The following MANBA variants were observed in gnomAD, a reference collection of about 807,000 sequenced individuals.
The protein encoded by MANBA is beta-mannosidase.
MANBA carries 83 observed loss-of-function variants against 111.1 expected under a neutral mutation model. The observed-to-expected ratio is 0.75, with a 90% CI of 0.63 to 0.90. The LOEUF (loss-of-function observed/expected upper bound fraction) is 0.90, where lower values mean the gene tolerates loss of function less well. Ranked by LOEUF, MANBA falls within the 40% of genes least tolerant of loss-of-function variation. The pLI is 0.00. For missense variants in MANBA, 1,036 were observed against 1,069.0 expected (o/e 0.97, Z 0.43); for synonymous variants, 370 against 378.7 (o/e 0.98, Z 0.27).
At chr4:102,749,067 G>A (rs1723690271) in intron 1 of MANBA, among the ~76,000 whole-genome samples, 1 of 151,952 alleles carries the variant, frequency 6.6e-6, no homozygotes. Context: ...CAGTATAGAT[G>A]GGACTTAAAA....
chr4:102,723,847 T>C lies in MANBA; in HGVS notation c.378+15A>G. The C allele has an allele frequency of 6.9e-7, 1 of 1,458,270 alleles. No homozygotes were observed. Among genetic ancestry groups the C allele is most frequent in the Non-Finnish European group, 9.6e-7 (1 of 1,044,090 alleles). 90.3% of individuals were successfully genotyped at this position (1,458,270 alleles called of 1,614,324 possible). ...CACATAAATTTTTTTTAACCTAATG[T>C]CATTATATACTTACATATCTATTGA... On this transcript the variant is annotated intron_variant, in intron 3 of 16. Transcript: ENST00000647097.
intron 14 of MANBA, among the ~76,000 whole-genome samples, chr4:102,637,714 C>T (rs1729692442): frequency 6.6e-6 from 1 of 152,184 alleles, no homozygotes; most frequent in African/African-American, 2.4e-5. Context: ...CACTCAGGAC[C>T]CTTCCAGACT....
intron 9 of MANBA, among the ~76,000 whole-genome samples, chr4:102,670,331 T>C (rs1731438666): frequency 6.6e-6 from 1 of 152,130 alleles, no homozygotes; most frequent in African/African-American, 2.4e-5. Flanking sequence ...TGAATGGGCA[T>C]GAAGATAAAA....
intron 1 of MANBA, among the ~76,000 whole-genome samples, chr4:102,744,536 G>A (rs1424030468): frequency 1.3e-5 from 2 of 152,212 alleles, no homozygotes; most frequent in Non-Finnish European, 2.9e-5. Flanking sequence ...ATTGCTTCTG[G>A]TGGGCCTTAT....
At chr4:102,721,515 A>G (rs1422932562) in intron 4 of MANBA, among the ~76,000 whole-genome samples, 1 of 152,198 alleles carries the variant, frequency 6.6e-6, no homozygotes, top group Non-Finnish European at 1.5e-5. Context: ...AGGTGGAAGC[A>G]ACCTAAACGT....
rs745958233 is a variant in MANBA, at chr4:102,657,737, C to A, written c.1649G>T (p.Arg550Leu). The change falls in exon 12 of 17, where the codon CGA becomes CTA. Residue 550 changes from arginine to leucine, a missense_variant. Transcript: ENST00000647097. ...CWNWKVFPKA[R>L]FASEYGYQSW... ...CTGATATCCATATTCAGATGCAAAT[C>A]GAGCTTTTGGGAAAACTTTCCAGTT... 18 of 1,613,736 alleles carry A rather than the reference C, an allele frequency of 1.1e-5. No individual in the cohort carries two copies. The highest frequency in any genetic ancestry group is 1.3e-5 in the African/African-American group (1 of 74,884).
intron 3 of MANBA, 104 bp from the exon 4 acceptor site, chr4:102,723,145 C>G (rs915551851): frequency 9.7e-7 from 1 of 1,032,746 alleles, no homozygotes; most frequent in Non-Finnish European, 1.5e-6. Context: ...AATATAATGC[C>G]GATCTAGGTT....
chr4:102,672,180 A>C (rs1731526752), intron 8 of MANBA: 1 of 398,460 alleles, frequency 2.5e-6, no homozygotes, highest in Non-Finnish European at 4.4e-6. Context: ...AGTAAAAGGA[A>C]ATTACTACAA....
At chr4:102,649,375 T>G (rs1048610810) in intron 13 of MANBA, among the ~76,000 whole-genome samples, 1 of 152,208 alleles carries the variant, frequency 6.6e-6, no homozygotes, top group African/African-American at 2.4e-5. Flanking sequence ...CTACTAACAA[T>G]GTCTAAAATT....
chr4:102,723,210 A>T (rs1407371902), intron 3 of MANBA, among the ~76,000 whole-genome samples, 169 bp from the exon 4 acceptor site: 2 of 152,254 alleles, frequency 1.3e-5, no homozygotes, highest in Non-Finnish European at 2.9e-5. Context: ...TCTATCACTT[A>T]GTTGCCCACT....
At chr4:102,719,382 A>C (rs950329685) in intron 4 of MANBA, among the ~76,000 whole-genome samples, 9 of 152,130 alleles carry the variant, frequency 5.9e-5, no homozygotes, top group African/African-American at 2.2e-4. Context: ...AATCGCCGTT[A>C]TTCTGTTCTT....
chr4:102,731,148 A>G (rs1364398899), intron 1 of MANBA, among the ~76,000 whole-genome samples: 4 of 151,604 alleles, frequency 2.6e-5, no homozygotes, highest in African/African-American at 4.9e-5. Flanking sequence ...CGCAAGTGGC[A>G]CCCTTCTGCA....
intron 12 of MANBA, among the ~76,000 whole-genome samples, chr4:102,654,756 T>C (rs1328764394): frequency 6.6e-6 from 1 of 152,176 alleles, no homozygotes; most frequent in African/African-American, 2.4e-5. Flanking sequence ...ATCATTGAAA[T>C]GTACTCCCTA....
chr4:102,737,139 T>C (rs564554672), intron 1 of MANBA, among the ~76,000 whole-genome samples: 1 of 152,216 alleles, frequency 6.6e-6, no homozygotes, highest in African/African-American at 2.4e-5. Context: ...CCAGCAGAAC[T>C]GGAGGGGAGT....
chr4:102,689,366 A>G (rs1242866628), intron 7 of MANBA, among the ~76,000 whole-genome samples: 1 of 91,960 alleles, frequency 1.1e-5, no homozygotes, highest in African/African-American at 3.2e-5. Flanking sequence ...AAAAATATAT[A>G]TATATATATA....
intron 10 of MANBA, chr4:102,666,486 ATG>A (rs1731223939): frequency 1.3e-5 from 2 of 152,214 alleles, no homozygotes; most frequent in African/African-American, 4.8e-5. Flanking sequence ...TCAAAGTGTG[ATG>A]TGTGTCTCAA....
intron 1 of MANBA, chr4:102,730,015 C>A: frequency 1.2e-6 from 1 of 825,316 alleles, no homozygotes; most frequent in South Asian, 1.5e-5. Flanking sequence ...TCACCATAGC[C>A]TCCGCCCAGA....
intron 1 of MANBA, chr4:102,730,720 G>T: frequency 1.9e-6 from 1 of 527,478 alleles, no homozygotes; most frequent in Non-Finnish European, 3.8e-6. Context: ...ATTCCCTACA[G>T]ATAGATGCTT....
At chr4:102,753,046 T>C (rs924087486) in intron 1 of MANBA, among the ~76,000 whole-genome samples, 5 of 152,306 alleles carry the variant, frequency 3.3e-5, no homozygotes, top group African/African-American at 1.2e-4. Flanking sequence ...TATATTTATA[T>C]ACTTATAATT....
Sources: allele counts gnomAD v4.1 joint callset (sites outside exome capture counted in the v4.1 genomes callset), GRCh38; gene constraint gnomAD v4.1.1; transcripts MANE v1.5; gene names NCBI Gene and HGNC (gene_info 2026-07-23, HGNC 2026-07-21).